TOX: variants seen among roughly 807,000 people sequenced by gnomAD.
TOX encodes thymocyte selection associated high mobility group box.
Under a neutral mutation model 53.7 loss-of-function variants are expected in TOX, and 11 were observed. The ratio of observed to expected loss-of-function variants is 0.20; its 90% CI spans 0.13 to 0.34. TOX has a LOEUF of 0.34. TOX is among the 10% of genes least tolerant of loss of function. The pLI, the probability that TOX is intolerant of heterozygous loss-of-function variation, is 1.00. For missense variants in TOX, 570 were observed against 664.6 expected (o/e 0.86, Z 1.56); for synonymous variants, 225 against 245.3 (o/e 0.92, Z 0.77).
chr8:59,042,923 C>T (rs1803618397), intron 1 of TOX, among the ~76,000 whole-genome samples: 1 of 138,028 alleles, frequency 7.2e-6, no homozygotes, highest in African/African-American at 2.4e-5. Context: ...TTAGTCACCT[C>T]ACATAGCATT....
At chr8:59,007,191 C>T (rs989842359) in intron 1 of TOX, among the ~76,000 whole-genome samples, 1 of 151,450 alleles carries the variant, frequency 6.6e-6, no homozygotes, top group African/African-American at 2.4e-5. Flanking sequence ...GGTGTCACCA[C>T]AGCTCTGCTG....
At chr8:58,887,646 T>G (rs1811492450) in intron 3 of TOX, among the ~76,000 whole-genome samples, 1 of 152,044 alleles carries the variant, frequency 6.6e-6, no homozygotes, top group African/African-American at 2.4e-5. Context: ...TATTTCATTG[T>G]ATTTTCAAAG....
At chr8:59,077,655 C>T (rs1161297541) in intron 1 of TOX, among the ~76,000 whole-genome samples, 1 of 152,148 alleles carries the variant, frequency 6.6e-6, no homozygotes, top group Non-Finnish European at 1.5e-5. Context: ...TTCCAGATAG[C>T]CTTGATGAAA....
At chr8:58,866,929 A>G (rs985072995) in intron 3 of TOX, among the ~76,000 whole-genome samples, 3 of 152,218 alleles carry the variant, frequency 2.0e-5, no homozygotes, top group African/African-American at 7.2e-5. Context: ...CAGCATAATT[A>G]TATGACCACA....
rs536791350 is a variant in TOX at position 59,026,755 on chromosome 8, C to T, written c.103-66747G>A. ...AGTCATCCAAAAGAAATATGCTCCA[C>T]CTACTGAAGTTGCAGTATTTAACAA... On this transcript the variant is annotated intron_variant, in intron 1 of 8. Transcript: ENST00000361421. Among the ~76,000 whole-genome samples, 25 of 152,258 alleles carry T rather than the reference C, an allele frequency of 1.6e-4. 1 individual carries two copies. The highest frequency in any genetic ancestry group is 1.5e-3 in the South Asian group (7 of 4,824).
intron 3 of TOX, among the ~76,000 whole-genome samples, chr8:58,914,169 A>G (rs527346911): frequency 6.6e-6 from 1 of 152,354 alleles, no homozygotes; most frequent in Non-Finnish European, 1.5e-5. Context: ...TATGATGGGA[A>G]GAACCCAAAG....
intron 5 of TOX, among the ~76,000 whole-genome samples, chr8:58,832,597 T>C (rs1374117782): frequency 1.3e-5 from 2 of 152,248 alleles, no homozygotes; most frequent in East Asian, 3.9e-4. Flanking sequence ...GCTCAGAGGA[T>C]TTGTCAGCTG....
At chr8:58,907,984 G>C (rs1183631384) in intron 3 of TOX, among the ~76,000 whole-genome samples, 1 of 152,168 alleles carries the variant, frequency 6.6e-6, no homozygotes, top group Non-Finnish European at 1.5e-5. Context: ...GTGCAGGTTT[G>C]TTACATAGGT....
intron 1 of TOX, among the ~76,000 whole-genome samples, chr8:59,027,437 T>A (rs537794222): frequency 1.7e-5 from 2 of 117,660 alleles, no homozygotes; most frequent in South Asian, 7.0e-4. Flanking sequence ...GGTCCTTATG[T>A]CATAGGAACA....
At chr8:58,843,886 A>G (rs1810682527) in intron 4 of TOX, among the ~76,000 whole-genome samples, 1 of 152,204 alleles carries the variant, frequency 6.6e-6, no homozygotes, top group African/African-American at 2.4e-5. Flanking sequence ...CCTTGAAGAC[A>G]GAAATGCTGC....
Position 58,838,699 on chromosome 8 carries a change from C to CTTTTTTTTTTTTTTTTTTTTTTTTTT in TOX, c.694-389_694-388insAAAAAAAAAAAAAAAAAAAAAAAAAA, listed in dbSNP as rs35347981. Among the ~76,000 whole-genome samples the CTTTTTTTTTTTTTTTTTTTTTTTTTT allele has an allele frequency of 1.8e-3, 158 of 88,864 alleles. 22 individuals are homozygous for CTTTTTTTTTTTTTTTTTTTTTTTTTT. The highest frequency in any genetic ancestry group is 5.0e-3 in the African/African-American group (83 of 16,720). 58.3% of individuals were successfully genotyped at this position (88,864 alleles called of 152,430 possible). A position where few individuals can be genotyped will look rare whatever the true frequency, so the allele number is the denominator to read the frequency against. ...TTTCTTCTAAGGAAGTTATCCTTGT[C>CTTTTTTTTTTTTTTTTTTTTTTTTTT]TTTTTTTTTTTTTTTTTTTTTGAGA... On this transcript the variant is annotated intron_variant, in intron 4 of 8. Coordinates refer to ENST00000361421, the MANE Select transcript of TOX (RefSeq NM_014729.3).
chr8:59,045,786 A>G (rs1803671106), intron 1 of TOX, among the ~76,000 whole-genome samples: 1 of 152,218 alleles, frequency 6.6e-6, no homozygotes, highest in Admixed American at 6.5e-5. Flanking sequence ...ATAATTTAGT[A>G]GAAGCTGACT....
rs547761484 is a variant in TOX at position 58,822,902 on chromosome 8, C to G, written c.1005+3920G>C. Among the ~76,000 whole-genome samples, 3 of 152,320 alleles carry G rather than the reference C, an allele frequency of 2.0e-5. No homozygotes were observed. The East Asian group carries it at 5.8e-4, about 29-fold the overall frequency. Reference sequence around the variant, plus strand: ...TGGGCAAGCCATTTACTCTCTCTGCCTAGAGACTGTCTAGAAAATGGGGCT... The same window carrying G: ...TGGGCAAGCCATTTACTCTCTCTGCGTAGAGACTGTCTAGAAAATGGGGCT... On this transcript the variant is annotated intron_variant, in intron 6 of 8. Coordinates refer to ENST00000361421, the MANE Select transcript of TOX (RefSeq NM_014729.3).
At chr8:58,999,454 A>T (rs1305337623) in intron 1 of TOX, among the ~76,000 whole-genome samples, 1 of 152,310 alleles carries the variant, frequency 6.6e-6, no homozygotes, top group South Asian at 2.1e-4. Flanking sequence ...AAAACTAAAT[A>T]CAAGGGTTGA....
intron 1 of TOX, among the ~76,000 whole-genome samples, chr8:59,072,699 A>G (rs940274773): frequency 6.6e-6 from 1 of 152,194 alleles, no homozygotes; most frequent in Admixed American, 6.5e-5. Context: ...CATGACAAAG[A>G]ATTCCTGTCA....
intron 3 of TOX, among the ~76,000 whole-genome samples, chr8:58,920,705 AAT>A (rs1261887071): frequency 9.5e-6 from 1 of 104,996 alleles, no homozygotes; most frequent in African/African-American, 3.3e-5. Context: ...CTTAAAGTAT[AAT>A]AAAAAAAAAA....
chr8:59,098,502 G>A (rs1804751712), intron 1 of TOX, among the ~76,000 whole-genome samples: 1 of 151,096 alleles, frequency 6.6e-6, no homozygotes, highest in Non-Finnish European at 1.5e-5. Flanking sequence ...TATTATATGT[G>A]TGAAAGATGG....
intron 3 of TOX, among the ~76,000 whole-genome samples, chr8:58,883,069 C>G (rs1811409679): frequency 2.6e-5 from 4 of 152,164 alleles, no homozygotes; most frequent in African/African-American, 7.2e-5. Flanking sequence ...ATTCTATTTT[C>G]TCAGTGATAT....
chr8:58,992,946 AC>A (rs1813484136), intron 1 of TOX: 2 of 152,200 alleles, frequency 1.3e-5, no homozygotes, highest in African/African-American at 4.8e-5. Flanking sequence ...CTCCCTGGAT[AC>A]CCAAGTAAAG....
Sources: allele counts gnomAD v4.1 joint callset (sites outside exome capture counted in the v4.1 genomes callset), GRCh38; gene constraint gnomAD v4.1.1; transcripts MANE v1.5; gene names NCBI Gene and HGNC (gene_info 2026-07-23, HGNC 2026-07-21).